EXOC1: variants seen among roughly 807,000 people sequenced by gnomAD.
EXOC1 encodes SEC3-like 1.
In EXOC1, 67 loss-of-function variants were observed where a neutral mutation model predicts 107.7. The observed-to-expected ratio is 0.62, with a 90% confidence interval of 0.51 to 0.76. The LOEUF (loss-of-function observed/expected upper bound fraction) is 0.76. Among genes scored for constraint, EXOC1 ranks in the 30% least tolerant of loss-of-function variants. The pLI, the probability that EXOC1 is intolerant of heterozygous loss-of-function variation, is 0.00. For synonymous variants in EXOC1, 348 were observed against 353.5 expected, an observed-to-expected ratio of 0.98 and a Z score of 0.17; for missense variants, 833 against 1,055.7, an observed-to-expected ratio of 0.79 and a Z score of 2.92.
intron 9 of EXOC1, among the ~76,000 whole-genome samples, chr4:55,879,608 A>G (rs1464935470): frequency 2.6e-5 from 4 of 152,324 alleles, no homozygotes; most frequent in East Asian, 1.9e-4. Flanking sequence ...TTTAATAGCC[A>G]TTGTAGCAGG....
intron 16 of EXOC1, 94 bp downstream of exon 16, chr4:55,896,994 A>G (rs1033122101): frequency 9.8e-7 from 1 of 1,016,932 alleles, no homozygotes; most frequent in East Asian, 2.9e-5. Flanking sequence ...ATTATTTTGT[A>G]TATCTTATAA....
chr4:55,864,814 T>G (rs1721805742), intron 4 of EXOC1, among the ~76,000 whole-genome samples: 1 of 152,236 alleles, frequency 6.6e-6, no homozygotes, highest in South Asian at 2.1e-4. Flanking sequence ...AACTAATCAT[T>G]TATTTTTTAA....
chr4:55,890,936 C>G (rs956550381), intron 12 of EXOC1, among the ~76,000 whole-genome samples: 1 of 152,144 alleles, frequency 6.6e-6, no homozygotes, highest in African/African-American at 2.4e-5. Context: ...CCATGCTGGC[C>G]AGGCTGGTTT....
chr4:55,894,614 C>CTTTTT lies in EXOC1; in HGVS notation c.1953+855_1953+859dup, dbSNP rs772700227. Reference sequence around the variant, plus strand: ...TTGACAACTTTCTTACTATCTGTTACTTTTTTTTTTTTTTTTTTTTTTTTT... The same window carrying CTTTTT: ...TTGACAACTTTCTTACTATCTGTTACTTTTTTTTTTTTTTTTTTTTTTTTTTTTTT... On this transcript the variant is annotated intron_variant, in intron 15 of 18. Coordinates refer to ENST00000381295, the MANE Select transcript of EXOC1 (RefSeq NM_001024924.2). Among the ~76,000 whole-genome samples the CTTTTT allele has an allele frequency of 3.2e-3, 243 of 76,132 alleles. 2 individuals carry two copies. Among genetic ancestry groups the CTTTTT allele is most frequent in the Middle Eastern group, 0.022 (1 of 46 alleles). 49.9% of individuals were successfully genotyped at this position (76,132 alleles called of 152,430 possible). A position where few individuals can be genotyped will look rare whatever the true frequency, so the allele number is the denominator to read the frequency against.
Position 55,883,977 on chromosome 4 carries a change from A to T in EXOC1, c.1330+49A>T. ...TTATCTTCCTATTAAAAATGGCTTT[A>T]TTTATAACAAATAATTCTAAGACTT... On this transcript the variant is annotated intron_variant, in intron 10 of 18. Coordinates refer to ENST00000381295, the MANE Select transcript of EXOC1 (RefSeq NM_001024924.2). The T allele has an allele frequency of 2.3e-6, 3 of 1,314,246 alleles. No homozygotes were observed. In the South Asian group the frequency reaches 4.0e-5, roughly 18 times the overall value. The allele number at this position is 1,314,246 out of a possible 1,614,324, so 81.4% of individuals were successfully genotyped here.
intron 4 of EXOC1, among the ~76,000 whole-genome samples, chr4:55,868,101 A>G (rs1296092287): frequency 6.6e-6 from 1 of 152,168 alleles, no homozygotes; most frequent in Non-Finnish European, 1.5e-5. Flanking sequence ...TAACATTTGT[A>G]AGTTAGTGCA....
At chr4:55,896,671 A>G (rs770234949) in intron 15 of EXOC1, 46 bp from the exon 16 acceptor site, 1 of 1,470,760 alleles carries the variant, frequency 6.8e-7, no homozygotes, top group Non-Finnish European at 9.1e-7. Flanking sequence ...ATGTAGTTTT[A>G]AAGTTGCTTG....
At position 55,896,877 on chromosome 4, in the gene EXOC1, T is replaced by C; in HGVS notation, c.2114T>C (p.Leu705Pro). ...RGDLDKAYTK[L>P]IRGVFVNVEK... ...GACCTGGATAAAGCATACACCAAAC[T>C]TATCAGAGGAGTATTTGTTAATGGT... The change falls in exon 16 of 19, where the codon CTT becomes CCT. Residue 705 changes from leucine to proline, a missense_variant. Physicochemically the swap from Leu to Pro is moderately conservative, Grantham distance 98 (BLOSUM62 -3). This residue lies in a region of EXOC1 where 216 missense variants were observed against 354.4 expected (regional missense o/e 0.61). Coordinates refer to ENST00000381295, the MANE Select transcript of EXOC1 (RefSeq NM_001024924.2). The C allele has an allele frequency of 6.3e-7, 1 of 1,598,606 alleles. No individual in the cohort carries two copies. Among genetic ancestry groups the C allele is most frequent in the South Asian group, 1.1e-5 (1 of 87,204 alleles).
chr4:55,891,073 G>A (rs1724487147), intron 12 of EXOC1, among the ~76,000 whole-genome samples: 1 of 152,172 alleles, frequency 6.6e-6, no homozygotes, highest in Non-Finnish European at 1.5e-5. Context: ...CTTTCCAGAT[G>A]TGAAGTGAAT....
chr4:55,860,413 A>G lies in EXOC1; in HGVS notation c.127A>G (p.Thr43Ala). Reference sequence around the variant, plus strand: ...AAAGTGTGCGTTTTACTCAACAGTGACAACTGAACGCCCTGTGCAGGTTAA... The same window carrying G: ...AAAGTGTGCGTTTTACTCAACAGTGGCAACTGAACGCCCTGTGCAGGTTAA... ...KKNCFLCATVTTERPVQVKVV... is the reference protein window; with the variant it reads ...KKNCFLCATVATERPVQVKVV... The change falls in exon 3 of 19, where the codon ACA becomes GCA. Residue 43 changes from threonine to alanine, a missense_variant and splice_region_variant. Thr to Ala is a moderately conservative substitution (Grantham distance 58). Transcript: ENST00000381295. 1 of 1,613,678 alleles carries G rather than the reference A, an allele frequency of 6.2e-7. No homozygotes were observed.
At chr4:55,863,008 C>T (rs1291995520) in intron 3 of EXOC1, among the ~76,000 whole-genome samples, 2 of 152,104 alleles carry the variant, frequency 1.3e-5, no homozygotes, top group Non-Finnish European at 2.9e-5. Context: ...TCAAGCCATC[C>T]TCCCACCTTA....
chr4:55,868,480 C>G lies in EXOC1; in HGVS notation c.560C>G (p.Ala187Gly), dbSNP rs771317758. 3 of 1,613,168 alleles carry G rather than the reference C, an allele frequency of 1.9e-6. No individual in the cohort carries two copies. The highest frequency in any genetic ancestry group is 2.2e-5 in the South Asian group (2 of 91,018). ...GCEYAISNAE[A>G]FAEKLSRELQ... ...GAATATGCAATCTCGAATGCGGAAG[C>G]CTTTGCAGAAAAATTGTCCAGAGAG... Residue 187 changes from alanine (A) to glycine (G), a missense_variant, in exon 5 of 19, where the codon GCC (alanine) becomes GGC (glycine). Ala to Gly is a moderately conservative substitution (Grantham distance 60). Coordinates refer to ENST00000381295, the MANE Select transcript of EXOC1 (RefSeq NM_001024924.2).
At chr4:55,863,051 C>G (rs1432656962) in intron 3 of EXOC1, among the ~76,000 whole-genome samples, 1 of 152,062 alleles carries the variant, frequency 6.6e-6, no homozygotes, top group Non-Finnish European at 1.5e-5. Context: ...CACGTACATG[C>G]CACTACACCC....
intron 3 of EXOC1, among the ~76,000 whole-genome samples, chr4:55,861,612 G>A (rs546344771): frequency 7.2e-5 from 11 of 152,292 alleles, no homozygotes; most frequent in African/African-American, 2.6e-4. Context: ...TGTAAATCAT[G>A]CCTTTTCTTT....
chr4:55,904,258 TAGAA>T, intron 18 of EXOC1, 81 bp from the exon 19 acceptor site: 1 of 1,340,066 alleles, frequency 7.5e-7, no homozygotes, highest in Non-Finnish European at 9.9e-7. Context: ...CCCAAATTCT[TAGAA>T]TATGCCTTGG....
chr4:55,902,416 T>C lies in EXOC1; in HGVS notation c.2410T>C (p.Phe804Leu). 1 of 1,587,014 alleles carries C rather than the reference T, an allele frequency of 6.3e-7. No individual in the cohort carries two copies. Among genetic ancestry groups the C allele is most frequent in the Non-Finnish European group, 8.6e-7 (1 of 1,168,528 alleles). Residue 804 changes from phenylalanine to leucine, a missense_variant, in exon 18 of 19, where the codon TTT becomes CTT. By Grantham distance (22) the Phe-to-Leu change is conservative. Around this residue, in one of 2 missense-constraint regions of EXOC1, gnomAD observed 216 missense variants for 354.4 expected, o/e 0.61. Transcript: ENST00000381295. ...REEEVSYQLA[F>L]NKQELRKVIK... ...GGAGGAAGTAAGTTACCAACTTGCA[T>C]TTAACAAACAAGAACTTCGTAAAGT...
At chr4:55,892,840 A>G in intron 14 of EXOC1, 129 bp downstream of exon 14, 1 of 773,438 alleles carries the variant, frequency 1.3e-6, no homozygotes, top group Non-Finnish European at 2.1e-6. Flanking sequence ...ATGTGTGTCC[A>G]TTGTCTTATC....
chr4:55,896,968 G>T, intron 16 of EXOC1, 68 bp downstream of exon 16: 1 of 1,302,786 alleles, frequency 7.7e-7, no homozygotes, highest in South Asian at 1.4e-5. Context: ...CTAAGAAATC[G>T]GGAGCAGATA....
chr4:55,860,598 A>G (rs1399263876), intron 3 of EXOC1, 57 bp downstream of exon 3: 12 of 1,568,690 alleles, frequency 7.6e-6, no homozygotes, highest in Middle Eastern at 3.4e-4. Flanking sequence ...ATTTTATAAC[A>G]TGGTATTACA....
Sources: allele counts gnomAD v4.1 joint callset (sites outside exome capture counted in the v4.1 genomes callset), GRCh38; gene constraint gnomAD v4.1.1; regional missense constraint gnomAD v4.1.1; transcripts MANE v1.5; gene names NCBI Gene and HGNC (gene_info 2026-07-23, HGNC 2026-07-21).